Variants in RETREG1 observed in about 807,000 individuals in gnomAD.
RETREG1 encodes the protein family with sequence similarity 134 member B.
RETREG1 carries 44 observed loss-of-function variants against 54.8 expected under a neutral mutation model. That is an observed-to-expected ratio of 0.80 (90% CI 0.63 to 1.03). The LOEUF (loss-of-function observed/expected upper bound fraction) is 1.03, where lower values mean the gene tolerates loss of function less well. RETREG1 is among the 50% of genes least tolerant of loss of function. The pLI, the probability that RETREG1 is intolerant of heterozygous loss-of-function variation, is 0.00. For synonymous variants in RETREG1, 217 were observed against 238.5 expected (o/e 0.91, Z 0.83); for missense variants, 554 against 605.1 (o/e 0.92, Z 0.89).
intron 8 of RETREG1, among the ~76,000 whole-genome samples, chr5:16,476,592 C>G (rs146540344): frequency 0.011 from 1,722 of 152,258 alleles, 37 homozygotes; most frequent in African/African-American, 0.039. Context: ...GAGATCATGT[C>G]CTTTGCAAGG....
At chr5:16,541,709 G>A (rs907123717) in intron 3 of RETREG1, among the ~76,000 whole-genome samples, 1 of 135,108 alleles carries the variant, frequency 7.4e-6, no homozygotes, top group Non-Finnish European at 1.5e-5. Context: ...AAAGAAAAGA[G>A]AAGAAAAGAG....
intron 1 of RETREG1, among the ~76,000 whole-genome samples, chr5:16,587,202 G>T (rs984343125): frequency 2.0e-5 from 3 of 152,196 alleles, no homozygotes; most frequent in African/African-American, 7.2e-5. Context: ...ACACAGTAAT[G>T]AATTCAAGGA....
At position 16,535,508 on chromosome 5, in the gene RETREG1, T is replaced by C. The variant is rs573124586; in HGVS notation, c.458+30255A>G. Among the ~76,000 whole-genome samples, 8 of 151,356 alleles carry C rather than the reference T, an allele frequency of 5.3e-5. No homozygotes were observed. The East Asian group carries it at 1.6e-3, about 30-fold the overall frequency. ...CTGCATGCACGCTGCCTTCACAGAG[T>C]GGGAGCTGGAATTCCTGCGTGCATG... On this transcript the variant is annotated intron_variant, in intron 3 of 8. Coordinates refer to ENST00000306320, the MANE Select transcript of RETREG1 (RefSeq NM_001034850.3).
chr5:16,590,912 A>AC (rs1742752420), intron 1 of RETREG1, among the ~76,000 whole-genome samples: 1 of 129,392 alleles, frequency 7.7e-6, no homozygotes, highest in Non-Finnish European at 1.8e-5. Flanking sequence ...CAAACACAAA[A>AC]AAACACACAC....
intron 3 of RETREG1, among the ~76,000 whole-genome samples, chr5:16,563,151 A>G (rs1741909788): frequency 6.6e-6 from 1 of 152,224 alleles, no homozygotes; most frequent in South Asian, 2.1e-4. Flanking sequence ...GCAGAGCAAG[A>G]TCCCTCTCAC....
At chr5:16,508,934 G>A in intron 3 of RETREG1, 3 of 1,186,526 alleles carry the variant, frequency 2.5e-6, no homozygotes, top group Non-Finnish European at 3.2e-6. Context: ...CTGCCCAGCT[G>A]CCCCGCATTC....
chr5:16,571,368 A>T (rs1742168402), intron 2 of RETREG1, among the ~76,000 whole-genome samples: 1 of 152,138 alleles, frequency 6.6e-6, no homozygotes, highest in South Asian at 2.1e-4. Flanking sequence ...ATGGGGCTTA[A>T]TTATTCTCAG....
intron 8 of RETREG1, 51 bp downstream of exon 8, chr5:16,477,611 T>C: frequency 1.9e-6 from 3 of 1,561,712 alleles, no homozygotes; most frequent in Non-Finnish European, 2.6e-6. Flanking sequence ...AGAAGTTCAA[T>C]AGTTTTGTAT....
chr5:16,609,601 C>T (rs1743284529), intron 1 of RETREG1, among the ~76,000 whole-genome samples: 1 of 152,130 alleles, frequency 6.6e-6, no homozygotes, highest in African/African-American at 2.4e-5. Context: ...AGGAATGCTG[C>T]ATTCCAGGCA....
rs566403805 is a variant in RETREG1, at chr5:16,477,222, CA to C, written c.1000+439del. On this transcript the variant is annotated intron_variant, in intron 8 of 8. Coordinates refer to ENST00000306320, the MANE Select transcript of RETREG1 (RefSeq NM_001034850.3). ...AAACAGCTTTTGATAATTCATGCACCAAAAAAACACCCTTCTAAGGTATACA... is the reference window on the plus strand; with the variant it reads ...AAACAGCTTTTGATAATTCATGCACCAAAAAACACCCTTCTAAGGTATACA... 3.3e-5 allele frequency among the ~76,000 whole-genome samples: 5 copies of C among 151,738 alleles called. No homozygotes were observed. In the South Asian group the frequency reaches 8.3e-4, roughly 25 times the overall value.
chr5:16,520,045 A>T (rs1379041239), intron 3 of RETREG1, among the ~76,000 whole-genome samples: 1 of 152,168 alleles, frequency 6.6e-6, no homozygotes, highest in Non-Finnish European at 1.5e-5. Context: ...GTTGAGGCCA[A>T]GCTACCTGGA....
rs765301306 is a variant in RETREG1 at position 16,474,772 on chromosome 5, C to T, written c.1463G>A (p.Gly488Asp). The part of the protein sequence containing the change: ...AEAQQNKKSS[G>D]FLSNLLGGH The stretch of plus-strand genomic sequence containing the variant: ...GCCTCCCAGCAGATTTGAAAGGAAA[C>T]CTGAAGACTTCTTATTTTGCTGTGC... Residue 488 changes from glycine (G) to aspartate (D), a missense_variant, in exon 9 of 9, where the codon GGT becomes GAT. Physicochemically the swap from Gly to Asp is moderately conservative, Grantham distance 94. Transcript: ENST00000306320. 4 of 1,611,754 alleles carry T rather than the reference C, an allele frequency of 2.5e-6. No homozygotes were observed. The highest frequency in any genetic ancestry group is 3.4e-6 in the Non-Finnish European group (4 of 1,179,582).
At chr5:16,525,538 G>A (rs1199271664) in intron 3 of RETREG1, among the ~76,000 whole-genome samples, 2 of 152,204 alleles carry the variant, frequency 1.3e-5, no homozygotes, top group Non-Finnish European at 2.9e-5. Flanking sequence ...GAGCAAGTCA[G>A]CTGGGAAACA....
chr5:16,504,963 T>C (rs1739890329), intron 3 of RETREG1, among the ~76,000 whole-genome samples: 1 of 152,254 alleles, frequency 6.6e-6, no homozygotes, highest in African/African-American at 2.4e-5. Context: ...CTGGCTAATC[T>C]GAATTATTAA....
intron 3 of RETREG1, among the ~76,000 whole-genome samples, chr5:16,525,298 T>C (rs527512095): frequency 3.8e-4 from 28 of 74,040 alleles, no homozygotes; most frequent in East Asian, 2.3e-3. Flanking sequence ...ACTGTGCTGA[T>C]TTGCGTCCTC....
chr5:16,612,976 A>C (rs910796546), intron 1 of RETREG1, among the ~76,000 whole-genome samples: 2 of 152,196 alleles, frequency 1.3e-5, no homozygotes, highest in Non-Finnish European at 2.9e-5. Context: ...ACATTTGTAA[A>C]ATTCATCCCT....
intron 3 of RETREG1, among the ~76,000 whole-genome samples, chr5:16,519,818 C>T (rs142673949): frequency 3.0e-4 from 46 of 152,326 alleles, no homozygotes; most frequent in African/African-American, 1.1e-3. Context: ...TGTAAGGTCA[C>T]GCAACATATC....
At position 16,508,315 on chromosome 5, in the gene RETREG1, ACT is replaced by A. The variant is rs1740042333; in HGVS notation, c.459-24845_459-24844del. Among the ~76,000 whole-genome samples, 3 of 152,340 alleles carry A rather than the reference ACT, an allele frequency of 2.0e-5. No individual in the cohort carries two copies. In the South Asian group the frequency reaches 6.2e-4, roughly 32 times the overall value. On this transcript the variant is annotated intron_variant, in intron 3 of 8. Coordinates refer to ENST00000306320, the MANE Select transcript of RETREG1 (RefSeq NM_001034850.3). Reference sequence around the variant, plus strand: ...GATTCTACATTATGTGCTGGGAAACACTTTTTTAAAAAATTTCAGGCCATCAC... The same window carrying A: ...GATTCTACATTATGTGCTGGGAAACATTTTTAAAAAATTTCAGGCCATCAC...
chr5:16,474,354 A>C lies in RETREG1; in HGVS notation c.*387T>G, dbSNP rs2126503845. On this transcript the variant is annotated 3_prime_UTR_variant, in exon 9 of 9. Transcript: ENST00000306320. ...AGCATGTATTCACAATTAATTGTTAATATTTTTCAGTAAGTTACAATAAAC... is the reference window on the plus strand; with the variant it reads ...AGCATGTATTCACAATTAATTGTTACTATTTTTCAGTAAGTTACAATAAAC... The C allele has an allele frequency of 5.6e-6, 1 of 180,010 alleles. No individual in the cohort carries two copies. Among genetic ancestry groups the C allele is most frequent in the Middle Eastern group, 2.8e-3 (1 of 358 alleles). The allele number at this position is 180,010 out of a possible 1,614,324, so 11.2% of individuals were successfully genotyped here. A position where few individuals can be genotyped will look rare whatever the true frequency, so the allele number is the denominator to read the frequency against.
Sources: allele counts gnomAD v4.1 joint callset (sites outside exome capture counted in the v4.1 genomes callset), GRCh38; gene constraint gnomAD v4.1.1; transcripts MANE v1.5; gene names NCBI Gene and HGNC (gene_info 2026-07-23, HGNC 2026-07-21).